The following ITGAM variants were observed in gnomAD, a reference collection of about 807,000 sequenced individuals.
The protein encoded by ITGAM is integrin subunit alpha M, also known as integrin alpha-M.
Under a neutral mutation model 137.5 loss-of-function variants are expected in ITGAM, and 79 were observed. The ratio of observed to expected loss-of-function variants is 0.57; its 90% CI spans 0.48 to 0.69. The LOEUF (loss-of-function observed/expected upper bound fraction) is 0.69. Ranked by LOEUF, ITGAM falls within the 30% of genes least tolerant of loss-of-function variation. The pLI is 0.00. For missense variants in ITGAM, 1,343 were observed against 1,483.5 expected (o/e 0.91, Z 1.56); for synonymous variants, 583 against 592.3 (o/e 0.98, Z 0.23).
At chr16:31,321,157 G>C in intron 14 of ITGAM, 84 bp from the exon 15 acceptor site, 1 of 1,494,916 alleles carries the variant, frequency 6.7e-7, no homozygotes, top group Non-Finnish European at 9.2e-7. Flanking sequence ...GAGAACCTCT[G>C]TCTGGGCCAT....
intron 5 of ITGAM, among the ~76,000 whole-genome samples, chr16:31,270,489 T>C (rs1390513704): frequency 6.6e-6 from 1 of 151,100 alleles, no homozygotes; most frequent in East Asian, 2.0e-4. Flanking sequence ...AAATTTTCCA[T>C]ACCACTTTGT....
At position 31,276,224 on chromosome 16, in the gene ITGAM, G is replaced by A. The variant is rs573640170; in HGVS notation, c.1010-447G>A. ...TGGCTGCCATCCTTCTAAGAGGGAC[G>A]TATGCTGTCCAGCTTGACACAGATC... is the stretch of plus-strand genomic sequence containing the variant. On this transcript the variant is annotated intron_variant, in intron 9 of 29. Transcript: ENST00000544665. Among the ~76,000 whole-genome samples the A allele has an allele frequency of 8.5e-5, 13 of 152,288 alleles. No individual in the cohort carries two copies. The East Asian group carries it at 2.3e-3, about 27-fold the overall frequency.
At chr16:31,312,023 A>G (rs1378089369) in intron 14 of ITGAM, among the ~76,000 whole-genome samples, 1 of 151,468 alleles carries the variant, frequency 6.6e-6, no homozygotes, top group Non-Finnish European at 1.5e-5. Flanking sequence ...TTCTCAGCAA[A>G]CTATCGCAAG....
At chr16:31,314,606 A>G (rs1261532405) in intron 14 of ITGAM, among the ~76,000 whole-genome samples, 1 of 152,018 alleles carries the variant, frequency 6.6e-6, no homozygotes, top group African/African-American at 2.4e-5. Context: ...TTTTGGTATC[A>G]GTACCATGCT....
chr16:31,310,053 A>G (rs1038101954), intron 14 of ITGAM, among the ~76,000 whole-genome samples: 1 of 150,810 alleles, frequency 6.6e-6, no homozygotes, highest in South Asian at 2.1e-4. Context: ...GAAGCCCATC[A>G]GACTAGATCA....
intron 14 of ITGAM, among the ~76,000 whole-genome samples, chr16:31,306,034 A>G (rs950980654): frequency 1.3e-5 from 2 of 152,114 alleles, no homozygotes; most frequent in African/African-American, 2.4e-5. Flanking sequence ...GTATCATATC[A>G]TTGGTACCAA....
intron 1 of ITGAM, among the ~76,000 whole-genome samples, chr16:31,261,007 T>A (rs1052588284): frequency 6.6e-6 from 1 of 152,228 alleles, no homozygotes; most frequent in Non-Finnish European, 1.5e-5. Flanking sequence ...TAAGTACTTG[T>A]ACAACATATT....
intron 14 of ITGAM, among the ~76,000 whole-genome samples, chr16:31,305,090 C>T (rs2080252051): frequency 2.0e-5 from 3 of 152,180 alleles, no homozygotes; most frequent in South Asian, 4.1e-4. Flanking sequence ...TATCCATGAG[C>T]ATGGGATATA....
At chr16:31,270,746 T>TA (rs1410086162) in intron 5 of ITGAM, among the ~76,000 whole-genome samples, 16 of 106,622 alleles carry the variant, frequency 1.5e-4, no homozygotes, top group African/African-American at 6.3e-4. Flanking sequence ...TATATATATG[T>TA]TTTTAACGTG....
intron 14 of ITGAM, among the ~76,000 whole-genome samples, chr16:31,311,974 T>C (rs1439674664): frequency 4.6e-5 from 7 of 151,988 alleles, no homozygotes; most frequent in Admixed American, 2.0e-4. Flanking sequence ...GATGAGTTCA[T>C]GTCCTTTGTA....
At chr16:31,289,732 G>A (rs1400775110) in intron 12 of ITGAM, among the ~76,000 whole-genome samples, 3 of 152,146 alleles carry the variant, frequency 2.0e-5, no homozygotes, top group Non-Finnish European at 4.4e-5. Context: ...TTGTGCACAT[G>A]TACCCTAGAA....
At chr16:31,309,519 A>C (rs953107984) in intron 14 of ITGAM, among the ~76,000 whole-genome samples, 1 of 150,104 alleles carries the variant, frequency 6.7e-6, no homozygotes. Flanking sequence ...ATCTTCCTCC[A>C]TCCCTTTATT....
rs116427157 is a variant in ITGAM, at chr16:31,268,127, C to A, written c.427+1980C>A. 8.2e-3 allele frequency among the ~76,000 whole-genome samples: 1,250 copies of A among 152,208 alleles called. 28 individuals carry two copies. Among genetic ancestry groups the A allele is most frequent in the African/African-American group, 0.029 (1,204 of 41,510 alleles). On this transcript the variant is annotated intron_variant, in intron 5 of 29. Transcript: ENST00000544665. ...TCCTGCCATCTCTCCTCACCCTCACCACCCAAGCTTCCTGAGTGCATTCTC... is the reference window on the plus strand; with the variant it reads ...TCCTGCCATCTCTCCTCACCCTCACAACCCAAGCTTCCTGAGTGCATTCTC...
At position 31,268,769 on chromosome 16, in the gene ITGAM, G is replaced by A. The variant is rs533316536; in HGVS notation, c.428-2185G>A. Among the ~76,000 whole-genome samples, 4 of 152,252 alleles carry A rather than the reference G, an allele frequency of 2.6e-5. No homozygotes were observed. The East Asian group carries it at 7.7e-4, about 29-fold the overall frequency. On this transcript the variant is annotated intron_variant, in intron 5 of 29. Transcript: ENST00000544665. The stretch of plus-strand genomic sequence containing the variant: ...CTGTGTCTCCATCGCCGTCACATAC[G>A]TTTGTCCCTGTAGTGCTGTTTCCAT...
intron 9 of ITGAM, among the ~76,000 whole-genome samples, chr16:31,276,340 AT>A (rs921236062): frequency 2.0e-5 from 3 of 149,404 alleles, no homozygotes; most frequent in Non-Finnish European, 3.0e-5. Flanking sequence ...TTTTCTTTCT[AT>A]TTTTTTTTGA....
At position 31,329,842 on chromosome 16, in the gene ITGAM, C is replaced by T; in HGVS notation, c.2913C>T (p.Phe971=). The T allele has an allele frequency of 1.3e-6, 2 of 1,563,700 alleles. No individual in the cohort carries two copies. The highest frequency in any genetic ancestry group is 1.7e-6 in the Non-Finnish European group (2 of 1,153,982). ...GQRSLPISLV[F]LVPVRLNQTV... is the part of the protein sequence containing the mutation. ...GGAGCCTCCCCATCAGCCTGGTGTTCTTGGTGCCCGTCCGGCTGAACCAGA... is the reference window on the plus strand; with the variant it reads ...GGAGCCTCCCCATCAGCCTGGTGTTTTTGGTGCCCGTCCGGCTGAACCAGA... The change falls in exon 25 of 30, where the codon TTC becomes TTT. Residue 971 remains phenylalanine (F), a synonymous_variant. Coordinates refer to ENST00000544665, the MANE Select transcript of ITGAM (RefSeq NM_000632.4).
intron 14 of ITGAM, among the ~76,000 whole-genome samples, chr16:31,311,987 G>A (rs1180858487): frequency 2.0e-5 from 3 of 151,874 alleles, no homozygotes; most frequent in Non-Finnish European, 4.4e-5. Context: ...CCTTTGTAGG[G>A]ACATGGATGA....
chr16:31,302,330 T>C (rs2080205014), intron 14 of ITGAM, among the ~76,000 whole-genome samples: 3 of 152,208 alleles, frequency 2.0e-5, no homozygotes. Context: ...TCTAGTGCTG[T>C]GAGGGCATTA....
intron 12 of ITGAM, among the ~76,000 whole-genome samples, chr16:31,285,833 A>C (rs1385211465): frequency 7.1e-6 from 1 of 141,136 alleles, no homozygotes; most frequent in African/African-American, 2.7e-5. Context: ...GGGTCTCACT[A>C]TGTTGCCCAG....
Sources: gnomAD v4.1 joint callset for allele counts (sites outside exome capture counted in the v4.1 genomes callset) on GRCh38, gnomAD v4.1.1 for gene constraint, MANE v1.5 for transcripts, NCBI Gene and HGNC (gene_info 2026-07-23, HGNC 2026-07-21) for gene names.